TRAM2: variants seen among roughly 807,000 people sequenced by gnomAD.
TRAM2 encodes translocation associated membrane protein 2.
A neutral mutation model predicts 51.0 loss-of-function variants in TRAM2; 12 were observed. The ratio of observed to expected loss-of-function variants is 0.24; its 90% CI spans 0.15 to 0.38. The LOEUF is 0.38. Ranked by LOEUF, TRAM2 falls within the 10% of genes least tolerant of loss-of-function variation. The probability of loss-of-function intolerance (pLI) is 1.00; values close to 1 mark genes in which losing one functional copy is unlikely to be tolerated. For synonymous variants in TRAM2, 175 were observed against 179.4 expected, an observed-to-expected ratio of 0.98 and a Z score of 0.20; for missense variants, 361 against 462.0, an observed-to-expected ratio of 0.78 and a Z score of 2.00.
rs200369864 is a variant in TRAM2 at position 52,532,807 on chromosome 6, AAC to A, written c.184+2974_184+2975del. 4.4e-3 allele frequency among the ~76,000 whole-genome samples: 660 copies of A among 150,242 alleles called. 1 individual carries two copies. The highest frequency in any genetic ancestry group is 0.015 in the African/African-American group (622 of 41,252). On this transcript the variant is annotated intron_variant, in intron 2 of 10. Coordinates refer to ENST00000182527, the MANE Select transcript of TRAM2 (RefSeq NM_012288.4). ...ACAAAAAGGTTCATCATATTATAAA[AAC>A]AAAAAATTGTGTTATAAATCAATAT...
At chr6:52,564,956 G>C (rs1209498053) in intron 1 of TRAM2, among the ~76,000 whole-genome samples, 7 of 152,106 alleles carry the variant, frequency 4.6e-5, no homozygotes, top group Non-Finnish European at 1.0e-4. Flanking sequence ...TTGGAGTGCA[G>C]GGTGCATGAA....
intron 2 of TRAM2, among the ~76,000 whole-genome samples, chr6:52,521,257 A>G (rs1766667802): frequency 6.6e-6 from 1 of 152,086 alleles, no homozygotes; most frequent in Admixed American, 6.5e-5. Context: ...GGTTGGTGCA[A>G]ACGTAGTAAT....
At chr6:52,564,942 T>C (rs541545327) in intron 1 of TRAM2, among the ~76,000 whole-genome samples, 2 of 151,794 alleles carry the variant, frequency 1.3e-5, no homozygotes, top group Non-Finnish European at 2.9e-5. Flanking sequence ...GAGAATGAGA[T>C]GACTTGGAGT....
In TRAM2 at chr6:52,516,691, T is replaced by C; in HGVS notation, c.231A>G (p.Thr77=). ...HYHYGPKDLV[T]ILFYIFITII... is the part of the protein sequence containing the mutation. ...TGGTGATGAAGATGTAGAACAAGAT[T>C]GTGACCAGGTCCTTAGGGCCATAGT... The change falls in exon 3 of 11, where the codon ACA becomes ACG. Residue 77 remains threonine, a synonymous_variant. Transcript: ENST00000182527. The C allele has an allele frequency of 6.2e-7, 1 of 1,614,178 alleles. No individual in the cohort carries two copies.
Position 52,503,493 on chromosome 6 carries a change from T to C in TRAM2, c.1040-223A>G, listed in dbSNP as rs1766280952. Among the ~76,000 whole-genome samples the C allele has an allele frequency of 1.3e-5, 2 of 151,868 alleles. 1 individual carries two copies. The highest frequency in any genetic ancestry group is 4.2e-4 in the South Asian group (2 of 4,814). On this transcript the variant is annotated intron_variant, in intron 10 of 10. Coordinates refer to ENST00000182527, the MANE Select transcript of TRAM2 (RefSeq NM_012288.4). ...CAGGGCCCTGGACTAGTGGCCCTGT[T>C]TGAGAGGCTTGGTCTCTGACTGCAC...
At chr6:52,559,929 T>G (rs947342736) in intron 1 of TRAM2, among the ~76,000 whole-genome samples, 2 of 152,124 alleles carry the variant, frequency 1.3e-5, no homozygotes, top group East Asian at 3.9e-4. Flanking sequence ...ACACACCTAC[T>G]GTAAGAAAAT....
At chr6:52,554,795 C>G (rs976818604) in intron 1 of TRAM2, among the ~76,000 whole-genome samples, 2 of 127,860 alleles carry the variant, frequency 1.6e-5, no homozygotes, top group Admixed American at 1.8e-4. Flanking sequence ...AACAGAGGGT[C>G]TTGCTCTGTG....
At position 52,506,094 on chromosome 6, in the gene TRAM2, T is replaced by A. The variant is rs1374071650; in HGVS notation, c.669A>T (p.Ser223=). ...TAGCCGTGTGGAAGAGGAACTCAGT[T>A]GAGTACTGCAGCAGCAGCAAGATCA... ...LGLILLLLQY[S]TEFLFHTARL... is the part of the protein sequence containing the mutation. Residue 223 remains serine, a synonymous_variant, in exon 8 of 11, where the codon TCA becomes TCT. Transcript: ENST00000182527. The A allele has an allele frequency of 3.1e-6, 5 of 1,613,988 alleles. No homozygotes were observed. The African/African-American group carries it at 6.7e-5, about 22-fold the overall frequency.
intron 1 of TRAM2, among the ~76,000 whole-genome samples, chr6:52,555,711 T>G (rs1767393578): frequency 6.6e-6 from 1 of 152,204 alleles, no homozygotes; most frequent in Non-Finnish European, 1.5e-5. Context: ...TGGTAGGCAT[T>G]TAGGACAACC....
At position 52,521,419 on chromosome 6, in the gene TRAM2, C is replaced by T. The variant is rs971785076; in HGVS notation, c.185-4682G>A. On this transcript the variant is annotated intron_variant, in intron 2 of 10. Coordinates refer to ENST00000182527, the MANE Select transcript of TRAM2 (RefSeq NM_012288.4). ...ATAAAAATCCTCACACAAGGCTGGG[C>T]GCGGTGGCTCACACCTGTAATCCCA... is the stretch of plus-strand genomic sequence containing the variant. Among the ~76,000 whole-genome samples, 5 of 151,636 alleles carry T rather than the reference C, an allele frequency of 3.3e-5. No homozygotes were observed. In the East Asian group the frequency reaches 5.9e-4, roughly 18 times the overall value.
intron 2 of TRAM2, chr6:52,516,950 G>C: frequency 3.6e-6 from 2 of 562,722 alleles, no homozygotes; most frequent in South Asian, 4.0e-5. Context: ...GGAGAACCAA[G>C]TGCATGGCTG....
chr6:52,514,417 C>T (rs976431054), intron 4 of TRAM2, among the ~76,000 whole-genome samples: 4 of 152,082 alleles, frequency 2.6e-5, no homozygotes, highest in East Asian at 1.9e-4. Flanking sequence ...TGGAGCTTTC[C>T]GTGGTCCCCT....
intron 7 of TRAM2, among the ~76,000 whole-genome samples, chr6:52,506,342 G>A (rs754519944): frequency 3.3e-5 from 5 of 152,076 alleles, no homozygotes; most frequent in Admixed American, 6.6e-5. Flanking sequence ...CCCGCTGGCC[G>A]TTCAGCTGTC....
At chr6:52,504,018 G>A (rs1766292401) in intron 10 of TRAM2, among the ~76,000 whole-genome samples, 1 of 152,190 alleles carries the variant, frequency 6.6e-6, no homozygotes, top group Non-Finnish European at 1.5e-5. Context: ...CCCCCAGGCT[G>A]GGCAGAACGT....
intron 4 of TRAM2, among the ~76,000 whole-genome samples, chr6:52,514,263 TTA>T (rs201210103): frequency 0.013 from 1,988 of 152,260 alleles, 33 homozygotes; most frequent in African/African-American, 0.043. Context: ...TATTATTTTT[TTA>T]AAAAAACAAG....
intron 1 of TRAM2, among the ~76,000 whole-genome samples, chr6:52,575,100 A>G (rs972527060): frequency 1.3e-5 from 2 of 152,276 alleles, no homozygotes; most frequent in African/African-American, 4.8e-5. Context: ...TTAAGCTATT[A>G]TTATGATAAA....
chr6:52,535,934 T>G, intron 1 of TRAM2, 88 bp from the exon 2 acceptor site: 1 of 1,101,648 alleles, frequency 9.1e-7, no homozygotes, highest in South Asian at 1.4e-5. Flanking sequence ...CTTTTACATC[T>G]TAGACCCTCA....
At chr6:52,574,323 C>T (rs1253345277) in intron 1 of TRAM2, among the ~76,000 whole-genome samples, 1 of 152,124 alleles carries the variant, frequency 6.6e-6, no homozygotes, top group Non-Finnish European at 1.5e-5. Context: ...TTGATAGAGG[C>T]AGCAGTTCCA....
intron 1 of TRAM2, among the ~76,000 whole-genome samples, chr6:52,544,135 C>T (rs1015195842): frequency 4.6e-5 from 7 of 152,140 alleles, no homozygotes; most frequent in African/African-American, 7.2e-5. Context: ...AAGCCATCTC[C>T]GGGGGCCATA....
Sources: allele counts gnomAD v4.1 joint callset (sites outside exome capture counted in the v4.1 genomes callset), GRCh38; gene constraint gnomAD v4.1.1; transcripts MANE v1.5; gene names NCBI Gene and HGNC (gene_info 2026-07-23, HGNC 2026-07-21).